WIPF1: variants seen among roughly 807,000 people sequenced by gnomAD.
The protein encoded by WIPF1 is WAS/WASL interacting protein family member 1.
WIPF1 carries 13 observed loss-of-function variants against 35.4 expected under a neutral mutation model. The ratio of observed to expected loss-of-function variants is 0.37; its 90% CI spans 0.24 to 0.58. The LOEUF is 0.58. Among genes scored for constraint, WIPF1 ranks in the 20% least tolerant of loss-of-function variants. The probability of loss-of-function intolerance (pLI) is 0.74; values close to 1 mark genes in which losing one functional copy is unlikely to be tolerated. For missense variants in WIPF1, 591 were observed against 667.0 expected (o/e 0.89, Z 1.25); for synonymous variants, 267 against 266.3 (o/e 1.00, Z -0.02).
intron 1 of WIPF1, among the ~76,000 whole-genome samples, chr2:174,633,874 G>A (rs866495837): frequency 1.3e-5 from 2 of 152,074 alleles, no homozygotes; most frequent in African/African-American, 4.8e-5. Context: ...GGATTTCCTC[G>A]TCTCATATTC....
chr2:174,586,914 G>T lies in WIPF1; in HGVS notation c.-38-1303C>A, dbSNP rs556685976. Reference sequence around the variant, plus strand: ...TAGAGATCGAGCCTTAAGCCAGCGGGCAGTCTGGGTCACTGGCCACCTGAA... The same window carrying T: ...TAGAGATCGAGCCTTAAGCCAGCGGTCAGTCTGGGTCACTGGCCACCTGAA... On this transcript the variant is annotated intron_variant, in intron 1 of 7. Coordinates refer to ENST00000679041, the MANE Select transcript of WIPF1 (RefSeq NM_001375834.1). Among the ~76,000 whole-genome samples, 4 of 152,278 alleles carry T rather than the reference G, an allele frequency of 2.6e-5. No individual in the cohort carries two copies. The South Asian group carries it at 8.3e-4, about 32-fold the overall frequency.
chr2:174,582,472 T>C (rs1685272640), intron 2 of WIPF1, among the ~76,000 whole-genome samples: 1 of 152,228 alleles, frequency 6.6e-6, no homozygotes, highest in Non-Finnish European at 1.5e-5. Flanking sequence ...AGGGATATGA[T>C]TTCAGATTTG....
chr2:174,579,068 A>T (rs1394136614), intron 3 of WIPF1, among the ~76,000 whole-genome samples: 1 of 152,058 alleles, frequency 6.6e-6, no homozygotes, highest in Non-Finnish European at 1.5e-5. Flanking sequence ...CCCAGGCTGG[A>T]GTACAATGGC....
At chr2:174,680,286 G>T (rs577242975) in intron 1 of WIPF1, among the ~76,000 whole-genome samples, 1 of 152,162 alleles carries the variant, frequency 6.6e-6, no homozygotes, top group African/African-American at 2.4e-5. Flanking sequence ...TGAGTATCTG[G>T]CTTGATTCCA....
chr2:174,578,747 C>T (rs1574800647), intron 3 of WIPF1, among the ~76,000 whole-genome samples: 1 of 152,240 alleles, frequency 6.6e-6, no homozygotes, highest in Non-Finnish European at 1.5e-5. Flanking sequence ...CTTATGGTAG[C>T]TCTGCTGTGG....
chr2:174,572,262 A>C lies in WIPF1; in HGVS notation c.543T>G (p.Asp181Glu). Residue 181 changes from aspartate to glutamate, a missense_variant, in exon 5 of 8, where the codon GAT becomes GAG. Around this residue, in one of 3 missense-constraint regions of WIPF1, gnomAD observed 471 missense variants for 501.1 expected, o/e 0.94. Transcript: ENST00000679041. ...PPRPDVGSKP[D>E]SIPPPVPSTP... The stretch of plus-strand genomic sequence containing the variant: ...TACTAGGTACTGGAGGAGGAATGCT[A>C]TCAGGCTTTGAGCCCACGTCGGGCC... 6.2e-7 allele frequency: 1 copy of C among 1,614,126 alleles called. No individual in the cohort carries two copies. Among genetic ancestry groups the C allele is most frequent in the Non-Finnish European group, 8.5e-7 (1 of 1,180,028 alleles).
At chr2:174,584,820 G>C (rs569837311) in intron 2 of WIPF1, among the ~76,000 whole-genome samples, 3 of 152,066 alleles carry the variant, frequency 2.0e-5, no homozygotes, top group South Asian at 2.1e-4. Context: ...GCTGAGGCAG[G>C]AGAATCACTT....
intron 3 of WIPF1, among the ~76,000 whole-genome samples, chr2:174,577,581 G>A (rs1462317263): frequency 6.6e-6 from 1 of 152,082 alleles, no homozygotes; most frequent in Non-Finnish European, 1.5e-5. Context: ...ATCTACTGAG[G>A]CTTTTTGATG....
intron 1 of WIPF1, among the ~76,000 whole-genome samples, chr2:174,665,014 A>G (rs1433033354): frequency 6.6e-6 from 1 of 152,082 alleles, no homozygotes; most frequent in Non-Finnish European, 1.5e-5. Context: ...TAACAATACC[A>G]CTATAGAAAT....
At position 174,605,004 on chromosome 2, in the gene WIPF1, T is replaced by A. The variant is rs142803620; in HGVS notation, c.-38-19393A>T. On this transcript the variant is annotated intron_variant, in intron 1 of 8. Coordinates refer to the WIPF1 transcript ENST00000272746. ...TTATTCTAAGGTGTGTGGGGCTGAA[T>A]TGGTAGTATGTTATCCACATTAGAG... 1.1e-3 allele frequency among the ~76,000 whole-genome samples: 166 copies of A among 152,226 alleles called. 2 individuals are homozygous for A. Among genetic ancestry groups the A allele is most frequent in the African/African-American group, 3.6e-3 (150 of 41,544 alleles).
At chr2:174,629,475 C>T (rs1031617008) in intron 1 of WIPF1, among the ~76,000 whole-genome samples, 1 of 152,092 alleles carries the variant, frequency 6.6e-6, no homozygotes, top group African/African-American at 2.4e-5. Context: ...AAATTCTGCC[C>T]TGAGCTTTCA....
intron 1 of WIPF1, among the ~76,000 whole-genome samples, chr2:174,660,145 T>C (rs928265775): frequency 6.6e-6 from 1 of 152,220 alleles, no homozygotes; most frequent in Non-Finnish European, 1.5e-5. Context: ...TGTCCTATGT[T>C]AGTAAAATTA....
At chr2:174,631,520 A>G (rs1250300560) in intron 1 of WIPF1, among the ~76,000 whole-genome samples, 1 of 152,172 alleles carries the variant, frequency 6.6e-6, no homozygotes, top group Non-Finnish European at 1.5e-5. Flanking sequence ...CAAAATAAAG[A>G]GTTCTGGAGA....
At position 174,590,310 on chromosome 2, in the gene WIPF1, G is replaced by A. The variant is rs1156859482; in HGVS notation, c.-38-4699C>T. ...GTGCAAGGCTTTCAGCATGGCCTGGGGGAGCAAAGCTGTCAGTGGACAGGG... is the reference window on the plus strand; with the variant it reads ...GTGCAAGGCTTTCAGCATGGCCTGGAGGAGCAAAGCTGTCAGTGGACAGGG... On this transcript the variant is annotated intron_variant, in intron 1 of 7. Coordinates refer to ENST00000679041, the MANE Select transcript of WIPF1 (RefSeq NM_001375834.1). This position sits in a 1 kb window ranked among gnomAD's most constrained non-coding sequence, Gnocchi z 4.6. 6.6e-6 allele frequency among the ~76,000 whole-genome samples: 1 copy of A among 152,170 alleles called. No individual in the cohort carries two copies. The highest frequency in any genetic ancestry group is 1.9e-4 in the East Asian group (1 of 5,196).
intron 1 of WIPF1, among the ~76,000 whole-genome samples, chr2:174,631,680 A>G (rs926236482): frequency 6.6e-6 from 1 of 152,238 alleles, no homozygotes; most frequent in Non-Finnish European, 1.5e-5. Context: ...GATAACAATA[A>G]TACCTTACAA....
At chr2:174,624,261 G>C (rs1686758624) in intron 1 of WIPF1, among the ~76,000 whole-genome samples, 1 of 152,196 alleles carries the variant, frequency 6.6e-6, no homozygotes, top group African/African-American at 2.4e-5. Flanking sequence ...GGTAGGACTA[G>C]AGCAGAAAGT....
At chr2:174,599,733 G>T (rs1443843790), upstream of WIPF1, among the ~76,000 whole-genome samples, 1 of 151,814 alleles carries the variant, frequency 6.6e-6, no homozygotes, top group South Asian at 2.1e-4. Context: ...ATTTCTCTAC[G>T]TATTTTCAGA....
At chr2:174,589,803 C>A (rs980059376) in intron 1 of WIPF1, among the ~76,000 whole-genome samples, 2 of 152,174 alleles carry the variant, frequency 1.3e-5, no homozygotes, top group Non-Finnish European at 2.9e-5. Context: ...ATGCTGGCAA[C>A]GTTTAGATCC....
At chr2:174,630,577 G>A (rs1686987475) in intron 1 of WIPF1, 1 of 152,084 alleles carries the variant, frequency 6.6e-6, no homozygotes. Flanking sequence ...TTGGGAGAAG[G>A]GGACACTTAG....
Sources: allele counts gnomAD v4.1 joint callset (sites outside exome capture counted in the v4.1 genomes callset), GRCh38; gene constraint gnomAD v4.1.1; regional missense constraint gnomAD v4.1.1; non-coding constraint Gnocchi (gnomAD v3.1); transcripts MANE v1.5; gene names NCBI Gene and HGNC (gene_info 2026-07-23, HGNC 2026-07-21).